FAM3D: variants seen among roughly 807,000 people sequenced by gnomAD.
FAM3D encodes the protein protein FAM3D.
A neutral mutation model predicts 29.8 loss-of-function variants in FAM3D; 26 were observed. The observed-to-expected ratio is 0.87, with a 90% confidence interval of 0.64 to 1.21. The LOEUF is 1.21. Ranked by LOEUF, FAM3D falls within the 50% of genes most tolerant of loss-of-function variation. The probability of loss-of-function intolerance (pLI) is 0.00; values close to 1 mark genes in which losing one functional copy is unlikely to be tolerated. For synonymous variants in FAM3D, 115 were observed against 102.3 expected (o/e 1.12, Z -0.75); for missense variants, 253 against 290.9 (o/e 0.87, Z 0.95).
chr3:58,656,085 C>A (rs2066789357), intron 1 of FAM3D, among the ~76,000 whole-genome samples: 1 of 152,148 alleles, frequency 6.6e-6, no homozygotes, highest in African/African-American at 2.4e-5. Context: ...CCTTCCCTTC[C>A]TTCCTTCCTT....
intron 1 of FAM3D, among the ~76,000 whole-genome samples, chr3:58,665,420 G>C (rs1481892100): frequency 1.3e-5 from 2 of 152,040 alleles, no homozygotes; most frequent in Non-Finnish European, 2.9e-5. Flanking sequence ...CATTCTCTTG[G>C]GAGAAGTCTG....
At chr3:58,644,113 A>T (rs559643456) in intron 5 of FAM3D, among the ~76,000 whole-genome samples, 1 of 152,274 alleles carries the variant, frequency 6.6e-6, no homozygotes, top group East Asian at 1.9e-4. Flanking sequence ...CCCGGCATCC[A>T]CACCCTTGTC....
rs901667432 is a variant in FAM3D at position 58,635,130 on chromosome 3, G to A, written c.586-762C>T. ...GTCGAGGCTGCAGTGAGCCGAGATT[G>A]TGCCACTGCACTCCAGCCTAGGTGA... On this transcript the variant is annotated intron_variant, in intron 9 of 9. Coordinates refer to ENST00000358781, the MANE Select transcript of FAM3D (RefSeq NM_138805.3). This position sits in a 1 kb window ranked among gnomAD's most constrained non-coding sequence, Gnocchi z 5.2. 1.3e-5 allele frequency among the ~76,000 whole-genome samples: 2 copies of A among 152,160 alleles called. No homozygotes were observed. Among genetic ancestry groups the A allele is most frequent in the Non-Finnish European group, 2.9e-5 (2 of 68,034 alleles).
chr3:58,658,144 C>G (rs910168638), intron 1 of FAM3D, among the ~76,000 whole-genome samples: 4 of 152,298 alleles, frequency 2.6e-5, no homozygotes, highest in East Asian at 1.9e-4. Context: ...AACTGCCCTT[C>G]CCCATAGCTC....
intron 3 of FAM3D, among the ~76,000 whole-genome samples, chr3:58,653,335 T>C (rs1255781939): frequency 6.6e-6 from 1 of 152,150 alleles, no homozygotes; most frequent in Non-Finnish European, 1.5e-5. Context: ...ACGCTCAATA[T>C]ATGATTTTCT....
chr3:58,649,947 G>C (rs1170480062), intron 3 of FAM3D, among the ~76,000 whole-genome samples: 1 of 152,214 alleles, frequency 6.6e-6, no homozygotes. Context: ...CCCGGTGCCT[G>C]GCCCCTGGGC....
At chr3:58,656,221 A>G (rs975458654) in intron 1 of FAM3D, among the ~76,000 whole-genome samples, 35 of 152,204 alleles carry the variant, frequency 2.3e-4, no homozygotes, top group African/African-American at 8.4e-4. Context: ...ATTGCAGGTG[A>G]CTTTGTGCCA....
chr3:58,639,983 C>T (rs996462232), intron 7 of FAM3D, 144 bp downstream of exon 7: 12 of 804,806 alleles, frequency 1.5e-5, no homozygotes, highest in African/African-American at 6.8e-5. Flanking sequence ...ACACCCTCAA[C>T]CCCCCACCGC....
Position 58,637,231 on chromosome 3 carries a change from G to A in FAM3D, c.374-6C>T, listed in dbSNP as rs1175061349. The A allele has an allele frequency of 6.2e-7, 1 of 1,610,038 alleles. No individual in the cohort carries two copies. The highest frequency in any genetic ancestry group is 8.5e-7 in the Non-Finnish European group (1 of 1,178,048). On this transcript the variant is annotated splice_polypyrimidine_tract_variant and splice_region_variant and intron_variant, in intron 7 of 9. Transcript: ENST00000358781. ...TTTCACTAGGTGCATAACATCTGGG[G>A]GAGGAAGGAAAAGGTGCTGGTGATT...
intron 3 of FAM3D, among the ~76,000 whole-genome samples, chr3:58,649,578 C>T (rs570540117): frequency 1.7e-4 from 26 of 152,256 alleles, no homozygotes; most frequent in Non-Finnish European, 2.9e-4. Flanking sequence ...CACACACACA[C>T]ACATGCAGAT....
At chr3:58,660,825 T>C (rs13076856) in intron 1 of FAM3D, among the ~76,000 whole-genome samples, 144,951 of 152,264 alleles carry the variant, frequency 0.95, 69,406 homozygotes, top group East Asian at 1. Context: ...TATTTTAACT[T>C]GTTTAATCTT....
In FAM3D at chr3:58,634,016, G is replaced by A. The variant is rs141260612; in HGVS notation, c.*263C>T. 1.6e-4 allele frequency: 71 copies of A among 450,832 alleles called. No individual in the cohort carries two copies. The highest frequency in any genetic ancestry group is 6.7e-4 in the Admixed American group (17 of 25,368). The allele number at this position is 450,832 out of a possible 1,614,324, so 27.9% of individuals were successfully genotyped here. On this transcript the variant is annotated 3_prime_UTR_variant, in exon 10 of 10. Transcript: ENST00000358781. This position sits in a 1 kb window ranked among gnomAD's most constrained non-coding sequence, Gnocchi z 4.6. ...AGTTTGTCCTTCCTCAGGACCAGCC[G>A]TCAGCAGTCCCTGACGAAAGCACCC... is the stretch of plus-strand genomic sequence containing the variant.
chr3:58,636,384 C>G lies in FAM3D; in HGVS notation c.495G>C (p.Leu165Phe), dbSNP rs762441324. ...CCAGTTGTTTTGCGTAGGAACTCCC[C>G]AAGTCAGAGAAGAGTTTCCTGCTTT... is the stretch of plus-strand genomic sequence containing the variant. ...NDESRKLFSD[L>F]GSSYAKQLGF... The change falls in exon 9 of 10, where the codon TTG (leucine) becomes TTC (phenylalanine). Residue 165 changes from leucine (L) to phenylalanine (F), a missense_variant. Transcript: ENST00000358781. 8.7e-6 allele frequency: 14 copies of G among 1,614,088 alleles called. No individual in the cohort carries two copies. The highest frequency in any genetic ancestry group is 1.2e-5 in the Non-Finnish European group (14 of 1,180,034).
At chr3:58,648,365 C>G (rs1181483964) in intron 4 of FAM3D, among the ~76,000 whole-genome samples, 1 of 152,144 alleles carries the variant, frequency 6.6e-6, no homozygotes, top group African/African-American at 2.4e-5. Context: ...AGAGTCACCA[C>G]CATGTTGAGA....
chr3:58,635,989 T>G lies in FAM3D; in HGVS notation c.585+305A>C, dbSNP rs975368049. Among the ~76,000 whole-genome samples, 3 of 152,230 alleles carry G rather than the reference T, an allele frequency of 2.0e-5. No individual in the cohort carries two copies. Among genetic ancestry groups the G allele is most frequent in the Non-Finnish European group, 4.4e-5 (3 of 68,056 alleles). Reference sequence around the variant, plus strand: ...CCGCCACACAGCTCCATGTCTCCATTTCTTTCTCGTTCCTTCATGCCTCAC... The same window carrying G: ...CCGCCACACAGCTCCATGTCTCCATGTCTTTCTCGTTCCTTCATGCCTCAC... On this transcript the variant is annotated intron_variant, in intron 9 of 9. Coordinates refer to ENST00000358781, the MANE Select transcript of FAM3D (RefSeq NM_138805.3). This position sits in a 1 kb window ranked among gnomAD's most constrained non-coding sequence, Gnocchi z 5.2.
At chr3:58,665,847 AT>A (rs1005235475) in intron 1 of FAM3D, among the ~76,000 whole-genome samples, 1 of 152,220 alleles carries the variant, frequency 6.6e-6, no homozygotes, top group African/African-American at 2.4e-5. Flanking sequence ...CATACATGTT[AT>A]TTTATGTACT....
At chr3:58,649,430 A>G in intron 3 of FAM3D, 92 bp from the exon 4 acceptor site, 1 of 1,480,540 alleles carries the variant, frequency 6.8e-7, no homozygotes. Context: ...GAGTGGGAAT[A>G]AGGGGATTTA....
intron 3 of FAM3D, among the ~76,000 whole-genome samples, chr3:58,652,898 C>G (rs865857952): frequency 7.8e-4 from 89 of 114,156 alleles, no homozygotes; most frequent in African/African-American, 2.5e-3. Flanking sequence ...CCATCCATCT[C>G]TCCATCTACC....
At chr3:58,639,648 C>T (rs1347388946) in intron 7 of FAM3D, among the ~76,000 whole-genome samples, 14 of 152,200 alleles carry the variant, frequency 9.2e-5, no homozygotes, top group Non-Finnish European at 2.1e-4. Flanking sequence ...AACAGCCAGC[C>T]CCTGGTCACC....
Sources: allele counts gnomAD v4.1 joint callset (sites outside exome capture counted in the v4.1 genomes callset), GRCh38; gene constraint gnomAD v4.1.1; non-coding constraint Gnocchi (gnomAD v3.1); transcripts MANE v1.5; gene names NCBI Gene and HGNC (gene_info 2026-07-23, HGNC 2026-07-21).